Variants in SLC12A6 observed in about 807,000 individuals in gnomAD.
SLC12A6 encodes the protein solute carrier family 12 member 6.
In SLC12A6, 66 loss-of-function variants were observed where a neutral mutation model predicts 135.3. The observed-to-expected ratio is 0.49, with a 90% CI of 0.40 to 0.60. The LOEUF (loss-of-function observed/expected upper bound fraction) is 0.60, where lower values mean the gene tolerates loss of function less well. SLC12A6 is among the 20% of genes least tolerant of loss of function. SLC12A6 has a pLI of 0.00. For missense variants in SLC12A6, 1,058 were observed against 1,452.3 expected, an observed-to-expected ratio of 0.73 and a Z score of 4.41; for synonymous variants, 513 against 508.8, an observed-to-expected ratio of 1.01 and a Z score of -0.11.
intron 5 of SLC12A6, among the ~76,000 whole-genome samples, chr15:34,258,387 C>T (rs982148713): frequency 4.6e-5 from 7 of 152,108 alleles, no homozygotes; most frequent in African/African-American, 1.7e-4. Flanking sequence ...AAAGCTATTC[C>T]CTCTCCCTGA....
chr15:34,311,635 A>T (rs1888263066), intron 2 of SLC12A6, among the ~76,000 whole-genome samples: 1 of 152,224 alleles, frequency 6.6e-6, no homozygotes, highest in Non-Finnish European at 1.5e-5. Flanking sequence ...GGCCTGAGGC[A>T]AGTCACTTAT....
At chr15:34,266,351 G>C (rs1178146246) in intron 3 of SLC12A6, among the ~76,000 whole-genome samples, 2 of 151,772 alleles carry the variant, frequency 1.3e-5, no homozygotes, top group Non-Finnish European at 2.9e-5. Context: ...ATAACAAAAG[G>C]TTTAATCCAC....
chr15:34,326,198 T>C (rs1370046843), intron 2 of SLC12A6, among the ~76,000 whole-genome samples: 3 of 152,164 alleles, frequency 2.0e-5, no homozygotes, highest in East Asian at 1.9e-4. Context: ...AATGTCAATA[T>C]AGCCCAGGTA....
At chr15:34,298,907 A>G (rs952000025) in intron 2 of SLC12A6, among the ~76,000 whole-genome samples, 1 of 152,070 alleles carries the variant, frequency 6.6e-6, no homozygotes, top group Admixed American at 6.6e-5. Context: ...ACAATCCTAC[A>G]TTTTCCTCCA....
chr15:34,284,428 C>T (rs1034819458), intron 2 of SLC12A6, among the ~76,000 whole-genome samples: 13 of 151,866 alleles, frequency 8.6e-5, no homozygotes, highest in Non-Finnish European at 1.8e-4. Context: ...ACCCGCCCAC[C>T]ACGCCCAGCT....
rs1374548947 is a variant in SLC12A6 at position 34,337,709 on chromosome 15, A to C, written c.-450T>G. On this transcript the variant is annotated 5_prime_UTR_variant, in exon 1 of 26. Transcript: ENST00000354181. ...CTGGGCAGCAGGGTGAGGGAGAAGG[A>C]GGTCGCAGGTGCAGTATCCCGGCGC... 1.3e-5 allele frequency: 2 copies of C among 152,258 alleles called. No individual in the cohort carries two copies. Among genetic ancestry groups the C allele is most frequent in the African/African-American group, 2.4e-5 (1 of 41,404 alleles). The allele number at this position is 152,258 out of a possible 1,614,324, so 9.4% of individuals were successfully genotyped here. A position where few individuals can be genotyped will look rare whatever the true frequency, so the allele number is the denominator to read the frequency against.
chr15:34,261,439 G>A (rs563214823), intron 3 of SLC12A6, among the ~76,000 whole-genome samples: 1 of 152,216 alleles, frequency 6.6e-6, no homozygotes, highest in South Asian at 2.1e-4. Context: ...GGGAGTACAG[G>A]CACGCACCAC....
intron 2 of SLC12A6, among the ~76,000 whole-genome samples, chr15:34,313,164 T>C (rs1429671943): frequency 1.3e-5 from 2 of 152,208 alleles, no homozygotes; most frequent in African/African-American, 2.4e-5. Flanking sequence ...TTAAGCTCAG[T>C]GAGAAAGGCA....
At chr15:34,316,341 G>A (rs914926451) in intron 2 of SLC12A6, among the ~76,000 whole-genome samples, 7 of 151,670 alleles carry the variant, frequency 4.6e-5, no homozygotes, top group African/African-American at 1.7e-4. Flanking sequence ...CTCATTGCAT[G>A]AAAAGCAACT....
intron 4 of SLC12A6, among the ~76,000 whole-genome samples, chr15:34,259,467 G>A (rs965852431): frequency 1.3e-5 from 2 of 152,068 alleles, no homozygotes. Context: ...CTGGGCAACA[G>A]AGTGAGACCC....
chr15:34,242,100 A>T lies in SLC12A6; in HGVS notation c.2162+2T>A, dbSNP rs2140669923. On this transcript the variant is annotated splice_donor_variant, in intron 17 of 25. Transcript: ENST00000354181. LOFTEE classifies it high-confidence loss of function. ...AGTGATCAAGATTAAATCCACACTCACCCTTGGTATTCAATGTACTTGTAG... is the reference window on the plus strand; with the variant it reads ...AGTGATCAAGATTAAATCCACACTCTCCCTTGGTATTCAATGTACTTGTAG... 6.2e-7 allele frequency: 1 copy of T among 1,604,236 alleles called. No individual in the cohort carries two copies. Among genetic ancestry groups the T allele is most frequent in the Non-Finnish European group, 8.5e-7 (1 of 1,171,316 alleles).
At chr15:34,257,529 A>C in intron 6 of SLC12A6, 113 bp downstream of exon 6, 2 of 822,432 alleles carry the variant, frequency 2.4e-6, no homozygotes, top group Non-Finnish European at 4.2e-6. Context: ...TTCTGTTGAG[A>C]TCATGAGTCC....
At chr15:34,322,978 CAAAAAA>C (rs1218702689) in intron 2 of SLC12A6, among the ~76,000 whole-genome samples, 10,400 of 37,456 alleles carry the variant, frequency 0.28, 236 homozygotes, top group East Asian at 0.46. Context: ...AACTCTGTCT[CAAAAAA>C]AAAAAAAAAA....
At chr15:34,299,225 G>T (rs1408573446) in intron 2 of SLC12A6, among the ~76,000 whole-genome samples, 1 of 152,186 alleles carries the variant, frequency 6.6e-6, no homozygotes, top group Non-Finnish European at 1.5e-5. Context: ...TAAATAGATT[G>T]TGGTTTACTT....
chr15:34,291,618 C>T (rs1453628432), intron 2 of SLC12A6, among the ~76,000 whole-genome samples: 1 of 152,186 alleles, frequency 6.6e-6, no homozygotes, highest in East Asian at 1.9e-4. Flanking sequence ...TTCAGGTACA[C>T]CAATCAAACG....
intron 9 of SLC12A6, among the ~76,000 whole-genome samples, chr15:34,252,621 T>C (rs559650582): frequency 6.6e-6 from 1 of 152,320 alleles, no homozygotes; most frequent in South Asian, 2.1e-4. Context: ...AATTTCTATG[T>C]TGTGGATGGA....
At chr15:34,245,621 G>T (rs574159343) in intron 14 of SLC12A6, 72 bp downstream of exon 14, 2 of 1,306,854 alleles carry the variant, frequency 1.5e-6, no homozygotes, top group Non-Finnish European at 2.2e-6. Context: ...TAATTTCTAA[G>T]CCCATGAAGA....
chr15:34,285,193 A>G (rs1247084141), intron 2 of SLC12A6, among the ~76,000 whole-genome samples: 1 of 152,238 alleles, frequency 6.6e-6, no homozygotes, highest in East Asian at 1.9e-4. Context: ...AGCAGGGACC[A>G]AGCAAATAAA....
chr15:34,245,055 G>C (rs1437115424), intron 15 of SLC12A6, among the ~76,000 whole-genome samples: 1 of 152,166 alleles, frequency 6.6e-6, no homozygotes, highest in African/African-American at 2.4e-5. Flanking sequence ...AATTGACAAT[G>C]AATTAGAAAT....
Sources: gnomAD v4.1 joint callset for allele counts (sites outside exome capture counted in the v4.1 genomes callset) on GRCh38, gnomAD v4.1.1 for gene constraint, MANE v1.5 for transcripts, NCBI Gene and HGNC (gene_info 2026-07-23, HGNC 2026-07-21) for gene names.